OPHN1: variants seen among roughly 807,000 people sequenced by gnomAD.
OPHN1 encodes oligophrenin 1, also known as oligophrenin-1.
Under a neutral mutation model 60.7 loss-of-function variants are expected in OPHN1, and 11 were observed. That is an observed-to-expected ratio of 0.18 (90% confidence interval 0.11 to 0.30). The LOEUF is 0.30. OPHN1 is among the 10% of genes least tolerant of loss of function. The probability of loss-of-function intolerance (pLI) is 1.00; values close to 1 mark genes in which losing one functional copy is unlikely to be tolerated. For missense variants in OPHN1, 449 were observed against 611.0 expected (o/e 0.73, Z 2.80); for synonymous variants, 226 against 222.6 (o/e 1.02, Z -0.14).
chrX:68,241,929 G>GA (rs1459711326), intron 5 of OPHN1, among the ~76,000 whole-genome samples: 2 of 109,504 alleles, frequency 1.8e-5, no homozygotes, highest in East Asian at 2.9e-4. Flanking sequence ...CTCAAAAAAA[G>GA]AAAAAACTCA....
chrX:68,113,952 C>A, intron 16 of OPHN1, among the ~76,000 whole-genome samples: 1 of 94,238 alleles, frequency 1.1e-5, no homozygotes, highest in Admixed American at 1.2e-4. Context: ...TACCCTAAAA[C>A]TTAAAGTATA....
At chrX:68,328,240 T>G (rs1472929699) in intron 2 of OPHN1, among the ~76,000 whole-genome samples, 2 of 107,748 alleles carry the variant, frequency 1.9e-5, no homozygotes, top group African/African-American at 6.8e-5. Flanking sequence ...GCTATTCTCC[T>G]GCCTCAGCCT....
intron 5 of OPHN1, among the ~76,000 whole-genome samples, chrX:68,274,399 AAAG>A (rs1285037176): frequency 9.0e-6 from 1 of 111,715 alleles, no homozygotes; most frequent in Non-Finnish European, 1.9e-5. Flanking sequence ...AAAAACACCA[AAAG>A]AAGAAGAAAC....
intron 5 of OPHN1, among the ~76,000 whole-genome samples, chrX:68,235,709 T>A (rs2077749883): frequency 9.5e-6 from 1 of 105,541 alleles, no homozygotes. Context: ...AGAAAAAAAA[T>A]TAGCTGGGCT....
chrX:68,128,269 G>A (rs1013003164), intron 15 of OPHN1, among the ~76,000 whole-genome samples: 1 of 110,155 alleles, frequency 9.1e-6, no homozygotes, highest in Non-Finnish European at 1.9e-5. Context: ...TGCCCAGGCT[G>A]GTCTAGAACT....
chrX:68,394,683 G>A (rs1397433301), intron 2 of OPHN1, among the ~76,000 whole-genome samples: 1 of 111,693 alleles, frequency 9.0e-6, no homozygotes, highest in Non-Finnish European at 1.9e-5. Context: ...GTCTCATTCT[G>A]TTGCCCAGGC....
intron 16 of OPHN1, among the ~76,000 whole-genome samples, chrX:68,116,034 T>C (rs2077125719): frequency 8.9e-6 from 1 of 112,068 alleles, no homozygotes; most frequent in Admixed American, 9.4e-5. Flanking sequence ...TGGTTGACAA[T>C]TGGTTGAGTT....
At chrX:68,225,745 G>C (rs773718817) in intron 6 of OPHN1, among the ~76,000 whole-genome samples, 63 of 111,637 alleles carry the variant, frequency 5.6e-4, no homozygotes, top group African/African-American at 1.9e-3. Flanking sequence ...AAAGACCAAA[G>C]GTAGATAAAA....
At chrX:68,184,248 G>T (rs572423398) in intron 15 of OPHN1, among the ~76,000 whole-genome samples, 1 of 112,126 alleles carries the variant, frequency 8.9e-6, no homozygotes, top group Non-Finnish European at 1.9e-5. Flanking sequence ...GGGGCCGGGC[G>T]CTGTGGCTCA....
chrX:68,190,372 A>C (rs1256966238), intron 15 of OPHN1, among the ~76,000 whole-genome samples: 2 of 112,406 alleles, frequency 1.8e-5, no homozygotes, highest in Non-Finnish European at 3.7e-5. Context: ...ATGAATGAGG[A>C]TCATCACCAC....
At chrX:68,289,965 A>G (rs1413488444) in intron 3 of OPHN1, among the ~76,000 whole-genome samples, 1 of 111,854 alleles carries the variant, frequency 8.9e-6, no homozygotes, top group Non-Finnish European at 1.9e-5. Context: ...CAACAATTGT[A>G]CACAAGTACA....
At chrX:68,234,091 CA>C (rs33932284) in intron 6 of OPHN1, among the ~76,000 whole-genome samples, 558 of 44,195 alleles carry the variant, frequency 0.013, 6 homozygotes, top group African/African-American at 0.048. Context: ...AACCCCTCAC[CA>C]AAAAAAAAAA....
At chrX:68,112,045 A>ACACACATG in intron 17 of OPHN1, 86 bp from the exon 18 acceptor site, 2 of 494,974 alleles carry the variant, frequency 4.0e-6, no homozygotes, top group Non-Finnish European at 3.5e-6. Context: ...GCACAAACAC[A>ACACACATG]CACACATGCA....
intron 15 of OPHN1, among the ~76,000 whole-genome samples, chrX:68,181,876 C>T (rs1210797008): frequency 8.9e-6 from 1 of 112,018 alleles, no homozygotes; most frequent in African/African-American, 3.2e-5. Context: ...CCATCTTTAT[C>T]TTAGTGTCAC....
In OPHN1 at chrX:68,042,635, G is replaced by C. The variant is rs1300883235; in HGVS notation, c.*4537C>G. The C allele has an allele frequency of 2.0e-5, 2 of 101,709 alleles. No individual in the cohort carries two copies. Among genetic ancestry groups the C allele is most frequent in the African/African-American group, 3.6e-5 (1 of 27,692 alleles). 8.4% of individuals were successfully genotyped at this position (101,709 alleles called of 1,213,427 possible). On this transcript the variant is annotated 3_prime_UTR_variant, in exon 25 of 25. Coordinates refer to ENST00000355520, the MANE Select transcript of OPHN1 (RefSeq NM_002547.3). ...ACATGAAGAAATGCTCATCATCACTGGCCATCAGAGAAATGCAAATCAAAA... is the reference window on the plus strand; with the variant it reads ...ACATGAAGAAATGCTCATCATCACTCGCCATCAGAGAAATGCAAATCAAAA...
intron 5 of OPHN1, among the ~76,000 whole-genome samples, chrX:68,242,607 G>T (rs776018916): frequency 9.0e-6 from 1 of 111,182 alleles, no homozygotes; most frequent in Admixed American, 9.7e-5. Flanking sequence ...GACTCAAGCA[G>T]ATACTTGGTG....
intron 15 of OPHN1, among the ~76,000 whole-genome samples, chrX:68,176,973 C>CATATATATATATATAT (rs59326514): frequency 3.0e-5 from 3 of 99,161 alleles, no homozygotes; most frequent in Non-Finnish European, 6.1e-5. Flanking sequence ...TTTATATATA[C>CATATATATATATATAT]ATATATATAT....
At chrX:68,314,977 C>T (rs2078192207) in intron 2 of OPHN1, among the ~76,000 whole-genome samples, 1 of 99,419 alleles carries the variant, frequency 1.0e-5, no homozygotes, top group African/African-American at 3.8e-5. Flanking sequence ...CAGAGCAAGA[C>T]TCCATCTCAA....
intron 19 of OPHN1, among the ~76,000 whole-genome samples, chrX:68,077,551 C>T (rs2076958093): frequency 8.9e-6 from 1 of 111,900 alleles, no homozygotes; most frequent in Non-Finnish European, 1.9e-5. Context: ...TTTAAAGTAG[C>T]TTATGGAATA....
Sources: gnomAD v4.1 joint callset for allele counts (sites outside exome capture counted in the v4.1 genomes callset) on GRCh38, gnomAD v4.1.1 for gene constraint, MANE v1.5 for transcripts, NCBI Gene and HGNC (gene_info 2026-07-23, HGNC 2026-07-21) for gene names.